SPTBN4: variants seen among roughly 807,000 people sequenced by gnomAD.
The protein encoded by SPTBN4 is spectrin beta, non-erythrocytic 4.
Under a neutral mutation model 277.8 loss-of-function variants are expected in SPTBN4, and 96 were observed. The ratio of observed to expected loss-of-function variants is 0.35; its 90% CI spans 0.29 to 0.41. The LOEUF (loss-of-function observed/expected upper bound fraction) is 0.41. Among genes scored for constraint, SPTBN4 ranks in the 10% least tolerant of loss-of-function variants. SPTBN4 has a pLI of 1.00. For synonymous variants in SPTBN4, 1,481 were observed against 1,580.3 expected (o/e 0.94, Z 1.49); for missense variants, 3,006 against 3,595.7 (o/e 0.84, Z 4.19).
chr19:40,480,362 G>A (rs963229066), intron 2 of SPTBN4, among the ~76,000 whole-genome samples: 1 of 151,964 alleles, frequency 6.6e-6, no homozygotes, highest in African/African-American at 2.4e-5. Context: ...AGGCTGCAGT[G>A]ACCTAAGAAG....
intron 18 of SPTBN4, 97 bp from the exon 19 acceptor site, chr19:40,532,528 T>G (rs2080688155): frequency 6.8e-7 from 1 of 1,480,076 alleles, no homozygotes; most frequent in Non-Finnish European, 9.1e-7. Flanking sequence ...CCATACACCC[T>G]AGCAGCCCAG....
chr19:40,506,404 G>A lies in SPTBN4; in HGVS notation c.1816+18G>A. 1 of 1,604,214 alleles carries A rather than the reference G, an allele frequency of 6.2e-7. No individual in the cohort carries two copies. Among genetic ancestry groups the A allele is most frequent in the Non-Finnish European group, 8.5e-7 (1 of 1,173,724 alleles). On this transcript the variant is annotated intron_variant, in intron 13 of 35. Coordinates refer to ENST00000598249, the MANE Select transcript of SPTBN4 (RefSeq NM_020971.3). ...GCTGCAGGGTGAGTCTTGGGGCTGG[G>A]GCTGGGGCTATGGGTGGAGACTGTC...
At chr19:40,516,171 G>A (rs1175666794) in intron 15 of SPTBN4, among the ~76,000 whole-genome samples, 1 of 147,998 alleles carries the variant, frequency 6.8e-6, no homozygotes, top group Admixed American at 6.8e-5. Flanking sequence ...CCAGGAGGTA[G>A]AGATTGCAGT....
Position 40,575,557 on chromosome 19 carries a change from G to T in SPTBN4, c.7683G>T (p.Gly2561=). ...KREGGDRRAS[G]RRK is the part of the protein sequence containing the mutation. ...AAGGCGGAGATCGCAGGGCCAGCGG[G>T]CGCAGGAAGTGACTTCCCACCCCCA... The change falls in exon 36 of 36, where the codon GGG becomes GGT. Residue 2561 remains glycine (G), a synonymous_variant. Transcript: ENST00000598249. 1 of 1,610,074 alleles carries T rather than the reference G, an allele frequency of 6.2e-7. No homozygotes were observed. The highest frequency in any genetic ancestry group is 8.5e-7 in the Non-Finnish European group (1 of 1,178,700).
intron 17 of SPTBN4, chr19:40,524,498 T>A (rs1345577142): frequency 4.5e-6 from 2 of 443,558 alleles, no homozygotes; most frequent in Admixed American, 4.9e-5. Context: ...CACAGCAACA[T>A]TCTGTCCCCC....
Position 40,515,122 on chromosome 19 carries a change from ATTAAT to A in SPTBN4, c.2766-187_2766-183del, listed in dbSNP as rs1224348561. Among the ~76,000 whole-genome samples the A allele has an allele frequency of 6.6e-6, 1 of 152,108 alleles. No individual in the cohort carries two copies. Among genetic ancestry groups the A allele is most frequent in the Admixed American group, 6.6e-5 (1 of 15,262 alleles). On this transcript the variant is annotated intron_variant, in intron 14 of 35. Transcript: ENST00000598249. This position sits in a 1 kb window ranked among gnomAD's most constrained non-coding sequence, Gnocchi z 4.1. ...TCTGTCTCAATACATACATACATAA[ATTAAT>A]TAAATTAAATTAAATAAGTTAAATT...
At chr19:40,510,274 C>T (rs1387032843) in intron 13 of SPTBN4, among the ~76,000 whole-genome samples, 1 of 151,836 alleles carries the variant, frequency 6.6e-6, no homozygotes, top group Non-Finnish European at 1.5e-5. Context: ...AGAGTAAGGG[C>T]TGGGTACATG....
intron 1 of SPTBN4, among the ~76,000 whole-genome samples, chr19:40,470,371 T>C (rs2079871066): frequency 6.6e-6 from 1 of 152,054 alleles, no homozygotes; most frequent in African/African-American, 2.4e-5. Context: ...AGTGGTGCCA[T>C]CTTGGCTCAC....
At chr19:40,524,811 T>C (rs1273768251) in intron 17 of SPTBN4, among the ~76,000 whole-genome samples, 2 of 152,256 alleles carry the variant, frequency 1.3e-5, no homozygotes, top group African/African-American at 4.8e-5. Flanking sequence ...GCCATCTGTC[T>C]CTTGCCACCA....
At chr19:40,477,135 G>T (rs1295470225) in intron 2 of SPTBN4, among the ~76,000 whole-genome samples, 1 of 151,574 alleles carries the variant, frequency 6.6e-6, no homozygotes, top group Non-Finnish European at 1.5e-5. Flanking sequence ...CAACTCCTGG[G>T]CTTGAGCAAT....
rs565717953 is a variant in SPTBN4, at chr19:40,549,432, C to A, written c.4584+19C>A. 12 of 529,422 alleles carry A rather than the reference C, an allele frequency of 2.3e-5. 1 individual carries two copies. The highest frequency in any genetic ancestry group is 5.6e-5 in the Admixed American group (1 of 17,730). 32.8% of individuals were successfully genotyped at this position (529,422 alleles called of 1,614,324 possible). On this transcript the variant is annotated intron_variant, in intron 21 of 35. Coordinates refer to ENST00000598249, the MANE Select transcript of SPTBN4 (RefSeq NM_020971.3). ...CGAGCTGGTGAGGCCAGCGCAGGGG[C>A]CTGGGGCGGGGCGGGGCGGGGCGGT...
intron 22 of SPTBN4, among the ~76,000 whole-genome samples, chr19:40,553,446 GTGACACCC>G (rs796209405): frequency 1.1e-4 from 16 of 152,308 alleles, no homozygotes; most frequent in African/African-American, 3.8e-4. Context: ...GGGTGATAGA[GTGACACCC>G]TGTCTCTAAA....
chr19:40,518,137 C>T (rs2080481645), intron 15 of SPTBN4, among the ~76,000 whole-genome samples: 1 of 152,102 alleles, frequency 6.6e-6, no homozygotes, highest in African/African-American at 2.4e-5. Flanking sequence ...GAAACCCCAT[C>T]TCTATTAAAA....
At chr19:40,492,013 A>G (rs1208393610) in intron 4 of SPTBN4, among the ~76,000 whole-genome samples, 1 of 150,550 alleles carries the variant, frequency 6.6e-6, no homozygotes, top group Non-Finnish European at 1.5e-5. Context: ...CAAGAGTGAA[A>G]CTCCATCTAA....
intron 2 of SPTBN4, among the ~76,000 whole-genome samples, chr19:40,477,729 A>ATTC (rs1465097612): frequency 6.6e-6 from 1 of 152,202 alleles, no homozygotes; most frequent in Non-Finnish European, 1.5e-5. Context: ...GTGGAAGAGT[A>ATTC]TTCTAGGTAG....
At chr19:40,474,151 CAAAAAAAAAAA>C (rs71173641) in intron 2 of SPTBN4, among the ~76,000 whole-genome samples, 43 of 34,480 alleles carry the variant, frequency 1.2e-3, no homozygotes, top group South Asian at 6.8e-3. Context: ...GAACCTATCT[CAAAAAAAAAAA>C]AAAAAAAAAA....
chr19:40,495,019 C>A, intron 6 of SPTBN4, 42 bp downstream of exon 6: 1 of 1,580,524 alleles, frequency 6.3e-7, no homozygotes, highest in South Asian at 1.1e-5. Context: ...CCCTTCAGCC[C>A]CCCATATCCC....
chr19:40,504,653 AG>A (rs1482556916), intron 12 of SPTBN4, among the ~76,000 whole-genome samples: 2 of 151,120 alleles, frequency 1.3e-5, no homozygotes, highest in Admixed American at 6.6e-5. Context: ...TGGGCGACAG[AG>A]CGAGACTCCG....
In SPTBN4 at chr19:40,531,455, C is replaced by T. The variant is rs951926340; in HGVS notation, c.3949-1170C>T. On this transcript the variant is annotated intron_variant, in intron 18 of 35. Transcript: ENST00000598249. ...CCTCCCGGGACCGCGGAGCTGGAGT[C>T]CAGTGTTTGTTTTTTTTTTTTTTTT... 1.3e-4 allele frequency among the ~76,000 whole-genome samples: 15 copies of T among 113,522 alleles called. No homozygotes were observed. The Admixed American group carries it at 1.6e-3, about 12-fold the overall frequency. The allele number at this position is 113,522 out of a possible 152,430, so 74.5% of individuals were successfully genotyped here.
Sources: gnomAD v4.1 joint callset for allele counts (sites outside exome capture counted in the v4.1 genomes callset) on GRCh38, gnomAD v4.1.1 for gene constraint, Gnocchi (gnomAD v3.1) non-coding constraint, MANE v1.5 for transcripts, NCBI Gene and HGNC (gene_info 2026-07-23, HGNC 2026-07-21) for gene names.